Variants in F5 observed in about 807,000 individuals in gnomAD.
F5 encodes activated protein c cofactor.
Under a neutral mutation model 216.4 loss-of-function variants are expected in F5, and 138 were observed. The observed-to-expected ratio is 0.64, with a 90% CI of 0.56 to 0.73. The LOEUF is 0.73. Among genes scored for constraint, F5 ranks in the 30% least tolerant of loss-of-function variants. F5 has a pLI of 0.00. For missense variants in F5, 2,403 were observed against 2,674.0 expected (o/e 0.90, Z 2.24); for synonymous variants, 916 against 930.7 (o/e 0.98, Z 0.29).
chr1:169,535,121 A>G (rs796184611), intron 14 of F5, among the ~76,000 whole-genome samples: 3 of 152,332 alleles, frequency 2.0e-5, no homozygotes, highest in African/African-American at 7.2e-5. Context: ...CCTAAACAAC[A>G]GCATCACATA....
Position 169,586,380 on chromosome 1 carries a change from G to C in F5, c.7C>G (p.Pro3Ala). 1 of 1,613,110 alleles carries C rather than the reference G, an allele frequency of 6.2e-7. No individual in the cohort carries two copies. Among genetic ancestry groups the C allele is most frequent in the Non-Finnish European group, 8.5e-7 (1 of 1,179,900 alleles). MFPGCPRLWVLVV... is the reference protein window; with the variant it reads MFAGCPRLWVLVV... Reference sequence around the variant, plus strand: ...AGGACCCAGAGGCGTGGGCAGCCTGGGAACATGCTTCCTTTCCTGCTCCCG... The same window carrying C: ...AGGACCCAGAGGCGTGGGCAGCCTGCGAACATGCTTCCTTTCCTGCTCCCG... The change falls in exon 1 of 25, where the codon CCA becomes GCA. Residue 3 changes from proline to alanine, a missense_variant. Pro to Ala is a conservative substitution (Grantham distance 27, BLOSUM62 -1). Around this residue, in one of 4 missense-constraint regions of F5, gnomAD observed 1,425 missense variants for 1,554.8 expected, o/e 0.92. Transcript: ENST00000367797.
rs189543871 is a variant in F5 at position 169,542,092 on chromosome 1, T to C, written c.2998A>G (p.Lys1000Glu). ...GATTTATGTCTAACTCTAGGAAACT[T>C]TGGGTGGCCACTCTGCTTTCCAGGC... ...NKPGKQSGHP[K>E]FPRVRHKSLQ... The change falls in exon 13 of 25, where the codon AAG becomes GAG. Residue 1000 changes from lysine (K) to glutamate (E), a missense_variant. Physicochemically the swap from Lys to Glu is moderately conservative, Grantham distance 56. This residue lies in a region of F5 where 1,425 missense variants were observed against 1,554.8 expected (regional missense o/e 0.92). Transcript: ENST00000367797. The C allele has an allele frequency of 9.3e-6, 15 of 1,614,098 alleles. No individual in the cohort carries two copies. The East Asian group carries it at 3.3e-4, about 36-fold the overall frequency.
chr1:169,549,890 C>T lies in F5; in HGVS notation c.1522G>A (p.Asp508Asn). 1 of 1,614,134 alleles carries T rather than the reference C, an allele frequency of 6.2e-7. No individual in the cohort carries two copies. Among genetic ancestry groups the T allele is most frequent in the Non-Finnish European group, 8.5e-7 (1 of 1,180,004 alleles). ...GCGATGTCTCTCATGATGTCCACGT[C>T]ACTGTAGTATGGTCTTGTTAAGCAC... Reference protein sequence around the residue: ...AQCLTRPYYSDVDIMRDIASG... With the variant: ...AQCLTRPYYSNVDIMRDIASG... The change falls in exon 10 of 25, where the codon GAC becomes AAC. Residue 508 changes from aspartate to asparagine, a missense_variant. Physicochemically the swap from Asp to Asn is conservative, Grantham distance 23 (BLOSUM62 1). Transcript: ENST00000367797.
At chr1:169,583,728 C>A (rs1370984909) in intron 1 of F5, among the ~76,000 whole-genome samples, 1 of 152,082 alleles carries the variant, frequency 6.6e-6, no homozygotes, top group Non-Finnish European at 1.5e-5. Context: ...AAAGCAAAAA[C>A]AAATCTGTAG....
At chr1:169,584,917 A>G (rs942776677) in intron 1 of F5, among the ~76,000 whole-genome samples, 1 of 152,190 alleles carries the variant, frequency 6.6e-6, no homozygotes, top group African/African-American at 2.4e-5. Context: ...CACCATGTGA[A>G]TCAGACCTTT....
rs746918373 is a variant in F5, at chr1:169,559,266, G to A, written c.617C>T (p.Thr206Met). The change falls in exon 5 of 25, where the codon ACG becomes ATG. Residue 206 changes from threonine to methionine, a missense_variant. This residue lies in a region of F5 where 1,425 missense variants were observed against 1,554.8 expected (regional missense o/e 0.92). Coordinates refer to ENST00000367797, the MANE Select transcript of F5 (RefSeq NM_000130.5). ...TAGTAGCACGATTTGCTTGTCAAAC[G>A]TCTTCTGTGTCCCACCCTCAGTTAG... ...GTLTEGGTQK[T>M]FDKQIVLLFA... 13 of 1,613,686 alleles carry A rather than the reference G, an allele frequency of 8.1e-6. No homozygotes were observed. The East Asian group carries it at 8.9e-5, about 11-fold the overall frequency.
intron 16 of F5, among the ~76,000 whole-genome samples, 183 bp downstream of exon 16, chr1:169,529,425 T>C (rs1659536316): frequency 6.6e-6 from 1 of 152,212 alleles, no homozygotes; most frequent in Non-Finnish European, 1.5e-5. Flanking sequence ...TCTTTTTGCC[T>C]CACCCACAGT....
At chr1:169,581,502 T>C (rs1033199229) in intron 2 of F5, among the ~76,000 whole-genome samples, 8 of 152,080 alleles carry the variant, frequency 5.3e-5, no homozygotes, top group Non-Finnish European at 1.0e-4. Flanking sequence ...GATTTGGTTT[T>C]GGTTTAGTCG....
chr1:169,537,640 C>T (rs927971540), intron 13 of F5, among the ~76,000 whole-genome samples: 7 of 151,880 alleles, frequency 4.6e-5, no homozygotes, highest in Middle Eastern at 3.4e-3. Flanking sequence ...GCAAAAAACC[C>T]AAATAGCCTG....
intron 7 of F5, 50 bp from the exon 8 acceptor site, chr1:169,552,784 C>T (rs768015471): frequency 5.9e-6 from 8 of 1,364,412 alleles, no homozygotes; most frequent in South Asian, 2.3e-5. Context: ...ATAGAGATCT[C>T]GGTAGGATGG....
At position 169,572,143 on chromosome 1, in the gene F5, G is replaced by A. The variant is rs1463755791; in HGVS notation, c.373+78C>T. Reference sequence around the variant, plus strand: ...TTTCCCTAACAACACGTGGTTAACAGTATAGTTTTAAATGTTGATGCTGGT... The same window carrying A: ...TTTCCCTAACAACACGTGGTTAACAATATAGTTTTAAATGTTGATGCTGGT... On this transcript the variant is annotated intron_variant, in intron 3 of 24. Transcript: ENST00000367797. 2.8e-6 allele frequency: 4 copies of A among 1,439,286 alleles called. No homozygotes were observed. The East Asian group carries it at 9.2e-5, about 33-fold the overall frequency. The allele number at this position is 1,439,286 out of a possible 1,614,324, so 89.2% of individuals were successfully genotyped here.
At chr1:169,579,014 C>A (rs990757932) in intron 2 of F5, among the ~76,000 whole-genome samples, 1 of 152,016 alleles carries the variant, frequency 6.6e-6, no homozygotes, top group East Asian at 1.9e-4. Flanking sequence ...TTATAAAATT[C>A]TCAAATGTCC....
intron 10 of F5, among the ~76,000 whole-genome samples, chr1:169,548,738 G>A (rs1051887025): frequency 4.0e-5 from 6 of 151,726 alleles, no homozygotes; most frequent in East Asian, 1.9e-4. Flanking sequence ...GGGTGGTGGC[G>A]GGCGCCTGTA....
At chr1:169,519,165 C>A (rs2101803960) in intron 22 of F5, among the ~76,000 whole-genome samples, 1 of 152,180 alleles carries the variant, frequency 6.6e-6, no homozygotes, top group Admixed American at 6.5e-5. Context: ...GGCTGACCAC[C>A]CATCATCTCT....
At chr1:169,573,316 G>A (rs1056780377) in intron 2 of F5, among the ~76,000 whole-genome samples, 21 of 152,188 alleles carry the variant, frequency 1.4e-4, no homozygotes, top group African/African-American at 5.1e-4. Flanking sequence ...AGTATAACGT[G>A]TATTAAAAGT....
chr1:169,574,495 G>GCTT (rs1405950857), intron 2 of F5, among the ~76,000 whole-genome samples: 3 of 152,192 alleles, frequency 2.0e-5, no homozygotes, highest in African/African-American at 7.2e-5. Flanking sequence ...CATGGGATTG[G>GCTT]CTTCTCGCCA....
chr1:169,526,111 A>T, intron 17 of F5, 94 bp from the exon 18 acceptor site: 1 of 851,444 alleles, frequency 1.2e-6, no homozygotes, highest in Non-Finnish European at 2.0e-6. Context: ...CCTGCTTCAC[A>T]AGAGGCTTTC....
At chr1:169,577,204 G>C (rs1195897324) in intron 2 of F5, among the ~76,000 whole-genome samples, 1 of 152,020 alleles carries the variant, frequency 6.6e-6, no homozygotes, top group Non-Finnish European at 1.5e-5. Context: ...TGTGGAACTG[G>C]AAAGGACTGC....
intron 3 of F5, among the ~76,000 whole-genome samples, chr1:169,571,399 C>T (rs1660719399): frequency 6.6e-6 from 1 of 152,070 alleles, no homozygotes; most frequent in South Asian, 2.1e-4. Context: ...TAATCATTTC[C>T]ATTTTATAGA....
Sources: gnomAD v4.1 joint callset for allele counts (sites outside exome capture counted in the v4.1 genomes callset) on GRCh38, gnomAD v4.1.1 for gene constraint, gnomAD v4.1.1 regional missense constraint, MANE v1.5 for transcripts, NCBI Gene and HGNC (gene_info 2026-07-23, HGNC 2026-07-21) for gene names.